The following TMEM230 variants were observed in gnomAD, a reference collection of about 807,000 sequenced individuals.
The protein encoded by TMEM230 is UPF0414 transmembrane protein C20orf30.
TMEM230 carries 10 observed loss-of-function variants against 15.8 expected under a neutral mutation model. That is an observed-to-expected ratio of 0.63 (90% CI 0.39 to 1.07). The LOEUF (loss-of-function observed/expected upper bound fraction) is 1.07, where lower values mean the gene tolerates loss of function less well. Ranked by LOEUF, TMEM230 falls within the 50% of genes least tolerant of loss-of-function variation. TMEM230 has a pLI of 0.01. For missense variants in TMEM230, 165 were observed against 193.3 expected (o/e 0.85, Z 0.87); for synonymous variants, 67 against 76.9 (o/e 0.87, Z 0.68).
At position 5,106,877 on chromosome 20, in the gene TMEM230, T is replaced by C. The variant is rs995660037; in HGVS notation, c.289-567A>G. Among the ~76,000 whole-genome samples the C allele has an allele frequency of 2.6e-5, 4 of 152,220 alleles. No homozygotes were observed. The South Asian group carries it at 8.3e-4, about 32-fold the overall frequency. ...TACGTCACCATGCCCAGCTAATTTT[T>C]AAATTTTTCTGTAGAGACGAGGTCT... On this transcript the variant is annotated intron_variant, in intron 3 of 4. Coordinates refer to ENST00000342308, the MANE Select transcript of TMEM230 (RefSeq NM_001009923.2).
intron 4 of TMEM230, among the ~76,000 whole-genome samples, chr20:5,103,460 G>T (rs1600388559): frequency 6.6e-6 from 1 of 151,798 alleles, no homozygotes; most frequent in Admixed American, 6.6e-5. Context: ...AGGAGTTCGA[G>T]ATCAGCCTGG....
the TMEM230 span, among the ~76,000 whole-genome samples, chr20:5,061,930 C>A: frequency 6.6e-6 from 1 of 151,940 alleles, no homozygotes; most frequent in Admixed American, 6.6e-5. Context: ...CTTAGAAAGT[C>A]CATTTATAGG....
chr20:5,069,211 T>C lies in TMEM230; in HGVS notation c.361A>G (p.Thr121Ala), dbSNP rs565887039. The change falls in exon 4 of 4, where the codon ACA becomes GCA. Residue 121 changes from threonine to alanine, a missense_variant. Physicochemically the swap from Thr to Ala is moderately conservative, Grantham distance 58. Coordinates refer to the TMEM230 transcript ENST00000612323. ...CCTCAGTCAGGTGATGACACCTGTG[T>C]TCCTCTTCCTTCTGGAAGCCTTGAG... The C allele has an allele frequency of 2.9e-5, 44 of 1,535,528 alleles. 1 individual carries two copies. In the East Asian group the frequency reaches 9.8e-4, roughly 34 times the overall value.
intron 4 of TMEM230, 106 bp downstream of exon 3, chr20:5,106,078 AACAC>A (rs61087830): frequency 0.011 from 5,835 of 548,758 alleles, 20 homozygotes; most frequent in African/African-American, 0.037. Flanking sequence ...GGGACGGACA[AACAC>A]ACACACACAC....
exon 4 of TMEM230, chr20:5,068,791 G>C (rs2088728796): frequency 6.3e-6 from 1 of 159,052 alleles, no homozygotes; most frequent in African/African-American, 2.4e-5. Flanking sequence ...GGGGAGAATG[G>C]ATGTAGTACT....
chr20:5,065,649 G>A (rs2088644858), downstream of TMEM230, among the ~76,000 whole-genome samples: 1 of 152,206 alleles, frequency 6.6e-6, no homozygotes. Context: ...TGTCCTGGAC[G>A]CATGTGGGAT....
At chr20:5,065,926 C>T (rs373937362), downstream of TMEM230, among the ~76,000 whole-genome samples, 26 of 152,264 alleles carry the variant, frequency 1.7e-4, no homozygotes, top group East Asian at 1.7e-3. Flanking sequence ...CTGGAATGAC[C>T]GGGGAAGCAG....
Position 5,109,344 on chromosome 20 carries a change from G to A in TMEM230, c.276C>T (p.Tyr92=). The change falls in exon 3 of 5, where the codon TAC becomes TAT. Residue 92 remains tyrosine, a synonymous_variant. Coordinates refer to ENST00000342308, the MANE Select transcript of TMEM230 (RefSeq NM_001009923.2). ...CTTCTGCATTTACCTGAAGGTCAATGTAGCCATCGTCTGTGCTGGAGAGCC... is the reference window on the plus strand; with the variant it reads ...CTTCTGCATTTACCTGAAGGTCAATATAGCCATCGTCTGTGCTGGAGAGCC... 1 of 1,612,170 alleles carries A rather than the reference G, an allele frequency of 6.2e-7. No homozygotes were observed. The highest frequency in any genetic ancestry group is 1.1e-5 in the South Asian group (1 of 90,958).
intron 3 of TMEM230, 97 bp from the exon 3 acceptor site, chr20:5,106,407 T>C: frequency 7.1e-7 from 1 of 1,401,630 alleles, no homozygotes; most frequent in Non-Finnish European, 9.5e-7. Flanking sequence ...TTTATGTTTT[T>C]GTTTGTTTGT....
chr20:5,084,786 G>A (rs1284031236), intron 3 of TMEM230, among the ~76,000 whole-genome samples: 1 of 151,442 alleles, frequency 6.6e-6, no homozygotes, highest in Admixed American at 6.6e-5. Context: ...TGCCTGCCTC[G>A]GCCTCCCAAA....
At chr20:5,091,459 C>A (rs1377667837) in intron 3 of TMEM230, among the ~76,000 whole-genome samples, 1 of 152,122 alleles carries the variant, frequency 6.6e-6, no homozygotes, top group Admixed American at 6.6e-5. Flanking sequence ...GATCCACCCA[C>A]CTCGGCCTCC....
chr20:5,103,630 C>CA (rs141468437), intron 4 of TMEM230, among the ~76,000 whole-genome samples: 11,620 of 121,916 alleles, frequency 0.095, 514 homozygotes, highest in Non-Finnish European at 0.11. Context: ...GATTCTGTCT[C>CA]AAAAAAAAAA....
chr20:5,084,638 G>A (rs1465692905), intron 3 of TMEM230, among the ~76,000 whole-genome samples: 1 of 151,980 alleles, frequency 6.6e-6, no homozygotes, highest in African/African-American at 2.4e-5. Flanking sequence ...GGGTTCAAGC[G>A]ATTCTCTCCC....
At position 5,101,102 on chromosome 20, in the gene TMEM230, C is replaced by G. The variant is rs41282108; in HGVS notation, c.412-171G>C. On this transcript the variant is annotated intron_variant, in intron 4 of 4. Coordinates refer to ENST00000342308, the MANE Select transcript of TMEM230 (RefSeq NM_001009923.2). Reference sequence around the variant, plus strand: ...CTCCTGATTATAAATTGAAGACAAACTACAAAATATTAACAATTATAAAGA... The same window carrying G: ...CTCCTGATTATAAATTGAAGACAAAGTACAAAATATTAACAATTATAAAGA... Among the ~76,000 whole-genome samples the G allele has an allele frequency of 0.066, 10,101 of 151,964 alleles. 466 individuals carry two copies. Among genetic ancestry groups the G allele is most frequent in the Non-Finnish European group, 0.1 (6,905 of 67,992 alleles).
At chr20:5,089,401 G>C (rs568015286) in intron 3 of TMEM230, among the ~76,000 whole-genome samples, 1 of 149,730 alleles carries the variant, frequency 6.7e-6, no homozygotes, top group East Asian at 2.0e-4. Context: ...GAAAAAAATA[G>C]TAACAGAAGA....
intron 3 of TMEM230, among the ~76,000 whole-genome samples, chr20:5,079,012 G>A (rs2089095087): frequency 6.6e-6 from 1 of 152,122 alleles, no homozygotes; most frequent in Non-Finnish European, 1.5e-5. Context: ...CCTTTCTCTG[G>A]TGATTTTAAT....
chr20:5,111,934 C>T (rs982795209), intron 1 of TMEM230: 1 of 243,818 alleles, frequency 4.1e-6, no homozygotes, highest in Non-Finnish European at 6.6e-6. Context: ...GCAACCTCCG[C>T]CTCCAGGGTT....
rs1476090632 is a variant in TMEM230, at chr20:5,094,798, A to G, written c.222+11390T>C. Reference sequence around the variant, plus strand: ...AGGGATCCTCCCACCTTGGCCTCCTAAGTAGTTAGGACTACAGTTGCTCGC... The same window carrying G: ...AGGGATCCTCCCACCTTGGCCTCCTGAGTAGTTAGGACTACAGTTGCTCGC... On this transcript the variant is annotated intron_variant, in intron 3 of 3. Coordinates refer to the TMEM230 transcript ENST00000612323. 3.3e-5 allele frequency among the ~76,000 whole-genome samples: 5 copies of G among 151,592 alleles called. No individual in the cohort carries two copies. The South Asian group carries it at 6.2e-4, about 19-fold the overall frequency.
downstream of TMEM230, among the ~76,000 whole-genome samples, chr20:5,066,577 C>T (rs2088655796): frequency 6.7e-6 from 1 of 149,640 alleles, no homozygotes; most frequent in Admixed American, 6.8e-5. Flanking sequence ...GAGGCTGAAG[C>T]AGGAGAATAG....
Sources: allele counts gnomAD v4.1 joint callset (sites outside exome capture counted in the v4.1 genomes callset), GRCh38; gene constraint gnomAD v4.1.1; transcripts MANE v1.5; gene names NCBI Gene and HGNC (gene_info 2026-07-23, HGNC 2026-07-21).